FMN1: variants seen among roughly 807,000 people sequenced by gnomAD.
FMN1 encodes formin 1.
A neutral mutation model predicts 132.4 loss-of-function variants in FMN1; 110 were observed. The ratio of observed to expected loss-of-function variants is 0.83; its 90% confidence interval spans 0.71 to 0.97. The LOEUF (loss-of-function observed/expected upper bound fraction) is 0.97. FMN1 is among the 50% of genes least tolerant of loss of function. The pLI is 0.00. For synonymous variants in FMN1, 722 were observed against 651.7 expected, an observed-to-expected ratio of 1.11 and a Z score of -1.64; for missense variants, 1,792 against 1,705.3, an observed-to-expected ratio of 1.05 and a Z score of -0.90.
At chr15:33,178,387 G>C (rs1025427396) in intron 3 of FMN1, among the ~76,000 whole-genome samples, 4 of 152,104 alleles carry the variant, frequency 2.6e-5, no homozygotes, top group African/African-American at 7.2e-5. Context: ...ACTTGAGACT[G>C]TCTTGGGCTT....
chr15:33,032,640 T>G (rs999886622), intron 6 of FMN1, among the ~76,000 whole-genome samples: 1 of 152,234 alleles, frequency 6.6e-6, no homozygotes, highest in African/African-American at 2.4e-5. Flanking sequence ...AAATAACTTA[T>G]ACAAAGTATT....
At chr15:32,884,036 G>A (rs140869518) in intron 16 of FMN1, among the ~76,000 whole-genome samples, 53 of 152,166 alleles carry the variant, frequency 3.5e-4, no homozygotes, top group African/African-American at 1.1e-3. Flanking sequence ...TGCTGCACGC[G>A]CATGTGTGTG....
rs550457964 is a variant in FMN1, at chr15:32,843,823, C to T, written c.3928+13192G>A. On this transcript the variant is annotated intron_variant, in intron 17 of 20. Coordinates refer to ENST00000616417, the MANE Select transcript of FMN1 (RefSeq NM_001277313.2). Reference sequence around the variant, plus strand: ...GGATGAGCTATCAGGACTGGCACTTCACTTCTAAATGTTGAGCACTCAGGT... The same window carrying T: ...GGATGAGCTATCAGGACTGGCACTTTACTTCTAAATGTTGAGCACTCAGGT... Among the ~76,000 whole-genome samples the T allele has an allele frequency of 5.3e-5, 8 of 152,346 alleles. No homozygotes were observed. The South Asian group carries it at 1.7e-3, about 32-fold the overall frequency.
chr15:33,082,093 ATGTGTGTGTG>A (rs61138142), intron 5 of FMN1, among the ~76,000 whole-genome samples: 6,375 of 120,344 alleles, frequency 0.053, 154 homozygotes, highest in South Asian at 0.089. Flanking sequence ...CTGGAAAACA[ATGTGTGTGTG>A]TGTGTGTGTG....
intron 6 of FMN1, among the ~76,000 whole-genome samples, chr15:33,039,676 T>C (rs939795815): frequency 6.6e-6 from 1 of 152,158 alleles, no homozygotes; most frequent in Non-Finnish European, 1.5e-5. Flanking sequence ...TTAATAGCCC[T>C]GACAATAGGC....
At chr15:32,828,468 T>C (rs1006982494) in intron 17 of FMN1, among the ~76,000 whole-genome samples, 11 of 152,194 alleles carry the variant, frequency 7.2e-5, no homozygotes, top group African/African-American at 2.7e-4. Context: ...ATGGAGCTAA[T>C]TGAAATGTGA....
intron 4 of FMN1, among the ~76,000 whole-genome samples, chr15:33,089,875 A>G (rs535313430): frequency 1.3e-5 from 2 of 152,346 alleles, no homozygotes; most frequent in Non-Finnish European, 2.9e-5. Context: ...TAAGTGTGAG[A>G]AAAGCTACAT....
At chr15:33,147,165 C>CAA (rs869166176) in intron 4 of FMN1, among the ~76,000 whole-genome samples, 116 of 69,220 alleles carry the variant, frequency 1.7e-3, no homozygotes, top group African/African-American at 4.8e-3. Flanking sequence ...GACTCCGTCT[C>CAA]AAAAAAAAAA....
intron 15 of FMN1, among the ~76,000 whole-genome samples, chr15:32,889,442 T>C (rs747535009): frequency 1.5e-4 from 23 of 152,214 alleles, no homozygotes; most frequent in African/African-American, 3.9e-4. Context: ...TTAGGACTAA[T>C]TCCAAACTCT....
chr15:33,040,246 C>G (rs934826933), intron 6 of FMN1, among the ~76,000 whole-genome samples: 2 of 152,220 alleles, frequency 1.3e-5, no homozygotes, highest in African/African-American at 4.8e-5. Context: ...GAAGCCTGTC[C>G]TAATTACTTA....
chr15:32,777,158 G>A (rs966849107), intron 19 of FMN1, among the ~76,000 whole-genome samples: 1 of 152,110 alleles, frequency 6.6e-6, no homozygotes, highest in Admixed American at 6.6e-5. Flanking sequence ...GCTGAAGCCT[G>A]TTTTTGTGAA....
intron 7 of FMN1, among the ~76,000 whole-genome samples, chr15:33,007,112 A>G (rs1235513223): frequency 6.6e-6 from 1 of 152,212 alleles, no homozygotes; most frequent in Non-Finnish European, 1.5e-5. Context: ...GACAAAGTAT[A>G]TATTAATTAG....
At chr15:33,182,055 T>C (rs1223769196) in intron 2 of FMN1, among the ~76,000 whole-genome samples, 3 of 152,114 alleles carry the variant, frequency 2.0e-5, no homozygotes, top group Non-Finnish European at 4.4e-5. Context: ...CTATGGAAAA[T>C]AGATTGTGAA....
intron 7 of FMN1, among the ~76,000 whole-genome samples, chr15:32,987,056 C>A (rs553560296): frequency 6.6e-6 from 1 of 152,184 alleles, no homozygotes; most frequent in East Asian, 1.9e-4. Context: ...TAGATGGCTA[C>A]ATTTTTTTCT....
At chr15:32,794,052 A>C (rs2057187688) in intron 19 of FMN1, among the ~76,000 whole-genome samples, 1 of 152,192 alleles carries the variant, frequency 6.6e-6, no homozygotes, top group Non-Finnish European at 1.5e-5. Context: ...AGCTTTCAGG[A>C]TAGCCTCACA....
At chr15:32,922,631 T>C (rs1273535508) in intron 10 of FMN1, among the ~76,000 whole-genome samples, 1 of 152,174 alleles carries the variant, frequency 6.6e-6, no homozygotes, top group Non-Finnish European at 1.5e-5. Context: ...ACATGATCTA[T>C]TTGTGGGAGA....
chr15:33,137,900 G>A (rs1368419700), intron 4 of FMN1, among the ~76,000 whole-genome samples: 1 of 152,210 alleles, frequency 6.6e-6, no homozygotes, highest in African/African-American at 2.4e-5. Context: ...CAGACCTGGT[G>A]TGACTCTGGG....
At chr15:33,127,792 C>T (rs556944994) in intron 4 of FMN1, among the ~76,000 whole-genome samples, 6 of 152,340 alleles carry the variant, frequency 3.9e-5, no homozygotes, top group East Asian at 1.9e-4. Flanking sequence ...AGAACTACAT[C>T]TTGCCACACA....
At chr15:32,969,531 A>C in intron 7 of FMN1, 54 bp from the exon 8 acceptor site, 1 of 1,564,156 alleles carries the variant, frequency 6.4e-7, no homozygotes, top group Non-Finnish European at 8.7e-7. Flanking sequence ...GAACAAACTT[A>C]AGAATTTAGA....
Sources: allele counts gnomAD v4.1 joint callset (sites outside exome capture counted in the v4.1 genomes callset), GRCh38; gene constraint gnomAD v4.1.1; transcripts MANE v1.5; gene names NCBI Gene and HGNC (gene_info 2026-07-23, HGNC 2026-07-21).